The following C4BPA variants were observed in gnomAD, a reference collection of about 807,000 sequenced individuals.
The protein encoded by C4BPA is complement component 4 binding protein alpha, also known as C4b-binding protein alpha chain.
Under a neutral mutation model 63.7 loss-of-function variants are expected in C4BPA, and 31 were observed. The observed-to-expected ratio is 0.49, with a 90% CI of 0.37 to 0.66. The LOEUF (loss-of-function observed/expected upper bound fraction) is 0.66. C4BPA is among the 30% of genes least tolerant of loss of function. The probability of loss-of-function intolerance (pLI) is 0.00; values close to 1 mark genes in which losing one functional copy is unlikely to be tolerated. For missense variants in C4BPA, 572 were observed against 723.3 expected (o/e 0.79, Z 2.40); for synonymous variants, 259 against 254.7 (o/e 1.02, Z -0.16).
In C4BPA at chr1:207,143,826, C is replaced by G; in HGVS notation, c.1453C>G (p.Arg485Gly). ...ATATGTTTCCATTACAGCTCTGTGTCGGAAACCAGAATTAGTGAATGGAAG... is the reference window on the plus strand; with the variant it reads ...ATATGTTTCCATTACAGCTCTGTGTGGGAAACCAGAATTAGTGAATGGAAG... ...APAPQCKALC[R>G]KPELVNGRLS... Residue 485 changes from arginine (R) to glycine (G), a missense_variant, in exon 11 of 12, where the codon CGG becomes GGG. By Grantham distance (125) the Arg-to-Gly change is moderately radical. Transcript: ENST00000367070. 1 of 1,610,934 alleles carries G rather than the reference C, an allele frequency of 6.2e-7. No individual in the cohort carries two copies. Among genetic ancestry groups the G allele is most frequent in the Non-Finnish European group, 8.5e-7 (1 of 1,177,460 alleles).
At chr1:207,142,994 CA>C (rs1213235403) in intron 10 of C4BPA, among the ~76,000 whole-genome samples, 1 of 152,038 alleles carries the variant, frequency 6.6e-6, no homozygotes, top group African/African-American at 2.4e-5. Context: ...GGTATATATG[CA>C]AAGGATTATA....
intron 7 of C4BPA, 121 bp from the exon 8 acceptor site, chr1:207,131,425 T>C (rs1558094501): frequency 1.5e-6 from 1 of 657,468 alleles, no homozygotes; most frequent in East Asian, 2.7e-5. Flanking sequence ...CATCAGGCCT[T>C]GCAGGCTGGT....
At chr1:207,143,668 T>G (rs1685468570) in intron 10 of C4BPA, 150 bp from the exon 11 acceptor site, 5 of 628,352 alleles carry the variant, frequency 8.0e-6, no homozygotes. Context: ...GTAGTCATAC[T>G]CAATAAAATG....
chr1:207,116,892 C>T (rs1292490282), intron 4 of C4BPA, among the ~76,000 whole-genome samples: 2 of 152,176 alleles, frequency 1.3e-5, no homozygotes, highest in East Asian at 1.9e-4. Context: ...ATTTAAGATG[C>T]TCTTTGATAT....
chr1:207,138,647 T>A (rs1398847850), intron 9 of C4BPA, among the ~76,000 whole-genome samples: 2 of 152,206 alleles, frequency 1.3e-5, no homozygotes, highest in Non-Finnish European at 2.9e-5. Flanking sequence ...AGACTAGACC[T>A]GCTGTTAAGC....
chr1:207,141,047 G>C, intron 9 of C4BPA, 59 bp from the exon 10 acceptor site: 1 of 1,350,786 alleles, frequency 7.4e-7, no homozygotes, highest in Non-Finnish European at 1.0e-6. Flanking sequence ...ATTCTGCAAT[G>C]TGCTACTTTA....
chr1:207,113,167 G>T lies in C4BPA; in HGVS notation c.142G>T (p.Gly48Cys). Residue 48 changes from glycine (G) to cysteine (C), a missense_variant and splice_region_variant, in exon 2 of 12, where the codon GGC (glycine) becomes TGC (cysteine). Gly to Cys is a radical substitution (Grantham distance 159). Around this residue, in one of 2 missense-constraint regions of C4BPA, gnomAD observed 107 missense variants for 93.9 expected, o/e 1.14. Coordinates refer to ENST00000367070, the MANE Select transcript of C4BPA (RefSeq NM_000715.4). ...CGCTGCTCTGTTGCCTGCTGTTCTTGGTGAGTAGTGGGAAACAAGCTCAAA... is the reference window on the plus strand; with the variant it reads ...CGCTGCTCTGTTGCCTGCTGTTCTTTGTGAGTAGTGGGAAACAAGCTCAAA... ...LIAALLPAVLGNCGPPPTLSF... is the reference protein window; with the variant it reads ...LIAALLPAVLCNCGPPPTLSF... 6.2e-7 allele frequency: 1 copy of T among 1,608,394 alleles called. No homozygotes were observed. Among genetic ancestry groups the T allele is most frequent in the Non-Finnish European group, 8.5e-7 (1 of 1,178,070 alleles).
rs34895847 is a variant in C4BPA at position 207,114,485 on chromosome 1, C to CTTT, written c.328+224_328+226dup. 1.0e-3 allele frequency among the ~76,000 whole-genome samples: 62 copies of CTTT among 59,538 alleles called. 9 individuals are homozygous for CTTT. Among genetic ancestry groups the CTTT allele is most frequent in the African/African-American group, 2.7e-3 (35 of 12,768 alleles). 39.1% of individuals were successfully genotyped at this position (59,538 alleles called of 152,430 possible). A position where few individuals can be genotyped will look rare whatever the true frequency, so the allele number is the denominator to read the frequency against. ...AATTGCATTGAAAAATAACTCTGTT[C>CTTT]TTTTTTTTTTTTTTTTTTTTTTTTT... On this transcript the variant is annotated intron_variant, in intron 3 of 11. Coordinates refer to ENST00000367070, the MANE Select transcript of C4BPA (RefSeq NM_000715.4).
chr1:207,130,889 A>C (rs1162642875), intron 7 of C4BPA, among the ~76,000 whole-genome samples: 1 of 151,796 alleles, frequency 6.6e-6, no homozygotes, highest in Non-Finnish European at 1.5e-5. Context: ...TGATGGTTGC[A>C]CAACTCTGTA....
At position 207,113,168 on chromosome 1, in the gene C4BPA, G is replaced by C; in HGVS notation, c.142+1G>C. 1 of 1,608,670 alleles carries C rather than the reference G, an allele frequency of 6.2e-7. No homozygotes were observed. The highest frequency in any genetic ancestry group is 1.1e-5 in the South Asian group (1 of 90,016). Reference sequence around the variant, plus strand: ...GCTGCTCTGTTGCCTGCTGTTCTTGGTGAGTAGTGGGAAACAAGCTCAAAT... The same window carrying C: ...GCTGCTCTGTTGCCTGCTGTTCTTGCTGAGTAGTGGGAAACAAGCTCAAAT... On this transcript the variant is annotated splice_donor_variant, in intron 2 of 11. Coordinates refer to ENST00000367070, the MANE Select transcript of C4BPA (RefSeq NM_000715.4). LOFTEE classifies it high-confidence loss of function.
intron 1 of C4BPA, among the ~76,000 whole-genome samples, chr1:207,109,307 T>C (rs1684620509): frequency 6.6e-6 from 1 of 152,222 alleles, no homozygotes; most frequent in Non-Finnish European, 1.5e-5. Flanking sequence ...GATGACAATG[T>C]TTTGACATCC....
intron 9 of C4BPA, among the ~76,000 whole-genome samples, chr1:207,136,992 A>G (rs1337184175): frequency 6.6e-6 from 1 of 152,170 alleles, no homozygotes; most frequent in African/African-American, 2.4e-5. Context: ...CTAGAAATTT[A>G]TTGCTCCTAG....
intron 1 of C4BPA, among the ~76,000 whole-genome samples, chr1:207,109,388 G>A (rs1684622169): frequency 1.3e-5 from 2 of 152,168 alleles, no homozygotes. Context: ...AATTTCTTTT[G>A]AATGTTTACT....
intron 1 of C4BPA, among the ~76,000 whole-genome samples, chr1:207,110,077 T>C (rs1300272175): frequency 6.6e-6 from 1 of 152,220 alleles, no homozygotes; most frequent in East Asian, 1.9e-4. Context: ...CAGAAATAAA[T>C]GGGAGCATAC....
rs1406818768 is a variant in C4BPA at position 207,120,059 on chromosome 1, C to T, written c.429-3863C>T. ...GGGTGCACCCAGTATGTCTGGGTGC[C>T]CTGCATTCCAGACATACTCATCTTT... On this transcript the variant is annotated intron_variant, in intron 4 of 11. Coordinates refer to ENST00000367070, the MANE Select transcript of C4BPA (RefSeq NM_000715.4). Among the ~76,000 whole-genome samples, 3 of 151,810 alleles carry T rather than the reference C, an allele frequency of 2.0e-5. No homozygotes were observed. In the East Asian group the frequency reaches 5.8e-4, roughly 29 times the overall value.
chr1:207,114,262 G>A lies in C4BPA; in HGVS notation c.305G>A (p.Trp102Ter). ...CTTACCTGTAATTCTGATGGCGAAT[G>A]GGTGTATAACACCTTCTGTATCTGT... ...QTLTCNSDGEWVYNTFCIYKR... is the reference protein window; with the variant it reads ...QTLTCNSDGE Residue 102 changes from tryptophan (W) to a stop codon, truncating the protein, a stop_gained, in exon 3 of 12, where the codon TGG (tryptophan) becomes TAG (stop). Transcript: ENST00000367070. LOFTEE classifies it high-confidence loss of function. The A allele has an allele frequency of 6.2e-7, 1 of 1,612,776 alleles. No individual in the cohort carries two copies. Among genetic ancestry groups the A allele is most frequent in the Non-Finnish European group, 8.5e-7 (1 of 1,179,186 alleles).
intron 9 of C4BPA, among the ~76,000 whole-genome samples, chr1:207,139,384 C>T (rs899212465): frequency 4.6e-5 from 7 of 152,118 alleles, no homozygotes; most frequent in South Asian, 2.1e-4. Flanking sequence ...GCTATTTGAA[C>T]GGCACTAATT....
chr1:207,131,795 A>G (rs1474661849), intron 8 of C4BPA, 55 bp downstream of exon 8: 1 of 1,150,192 alleles, frequency 8.7e-7, no homozygotes. Context: ...ATGTGCTAGG[A>G]TTCTCTACCT....
intron 9 of C4BPA, 31 bp from the exon 10 acceptor site, chr1:207,141,075 T>C: frequency 6.3e-7 from 1 of 1,575,206 alleles, no homozygotes; most frequent in Non-Finnish European, 8.7e-7. Context: ...TACAAACTAA[T>C]GCTCTCTCAC....
Sources: allele counts gnomAD v4.1 joint callset (sites outside exome capture counted in the v4.1 genomes callset), GRCh38; gene constraint gnomAD v4.1.1; regional missense constraint gnomAD v4.1.1; transcripts MANE v1.5; gene names NCBI Gene and HGNC (gene_info 2026-07-23, HGNC 2026-07-21).